CFAP299: variants seen among roughly 807,000 people sequenced by gnomAD.
CFAP299 encodes the protein cilia- and flagella-associated protein 299.
In CFAP299, 21 loss-of-function variants were observed where a neutral mutation model predicts 27.0. The observed-to-expected ratio is 0.78, with a 90% confidence interval of 0.55 to 1.12. CFAP299 has a LOEUF of 1.12. CFAP299 is among the 50% of genes most tolerant of loss of function. CFAP299 has a pLI of 0.00. For synonymous variants in CFAP299, 104 were observed against 98.1 expected (o/e 1.06, Z -0.36); for missense variants, 310 against 276.6 (o/e 1.12, Z -0.86).
At chr4:80,920,033 T>G (rs1023921755) in intron 4 of CFAP299, among the ~76,000 whole-genome samples, 1 of 152,166 alleles carries the variant, frequency 6.6e-6, no homozygotes, top group East Asian at 1.9e-4. Context: ...CTATGCAAAG[T>G]ACTACTCCTG....
At chr4:80,797,782 T>C (rs543008703) in intron 3 of CFAP299, among the ~76,000 whole-genome samples, 1 of 152,080 alleles carries the variant, frequency 6.6e-6, no homozygotes, top group Non-Finnish European at 1.5e-5. Flanking sequence ...TGAGCAGGTG[T>C]AAAGTGACTA....
intron 5 of CFAP299, among the ~76,000 whole-genome samples, chr4:80,956,754 T>C (rs770875811): frequency 9.9e-5 from 15 of 152,114 alleles, no homozygotes; most frequent in Non-Finnish European, 1.8e-4. Context: ...AATCTCCTTT[T>C]CTCTACAATT....
chr4:80,326,534 G>T, the CFAP299 span, among the ~76,000 whole-genome samples: 207 of 152,318 alleles, frequency 1.4e-3, 1 homozygote, highest in South Asian at 3.7e-3. Flanking sequence ...GTTGGGAGCA[G>T]AAATGATGAT....
intron 3 of CFAP299, among the ~76,000 whole-genome samples, chr4:80,590,489 A>G (rs1736675590): frequency 6.6e-6 from 1 of 152,102 alleles, no homozygotes; most frequent in East Asian, 1.9e-4. Flanking sequence ...ATACAAAAAA[A>G]TAGCCGGGTG....
intron 2 of CFAP299, among the ~76,000 whole-genome samples, chr4:80,549,863 G>A (rs916097878): frequency 6.6e-6 from 1 of 151,760 alleles, no homozygotes; most frequent in African/African-American, 2.4e-5. Flanking sequence ...ATTAAACACA[G>A]TTTATTTATA....
intron 2 of CFAP299, among the ~76,000 whole-genome samples, chr4:80,395,822 C>T (rs928104775): frequency 6.6e-6 from 1 of 152,108 alleles, no homozygotes; most frequent in South Asian, 2.1e-4. Flanking sequence ...CAATCATTTA[C>T]AACTATAGTA....
intron 3 of CFAP299, among the ~76,000 whole-genome samples, chr4:80,712,502 G>C (rs187940355): frequency 6.6e-6 from 1 of 152,116 alleles, no homozygotes; most frequent in Non-Finnish European, 1.5e-5. Context: ...TGTAGTGCTG[G>C]CTGAATGAAA....
intron 5 of CFAP299, among the ~76,000 whole-genome samples, chr4:80,951,961 AT>A (rs1206513336): frequency 6.6e-6 from 1 of 151,978 alleles, no homozygotes; most frequent in African/African-American, 2.4e-5. Context: ...CATCACTGCT[AT>A]TTTTTCTTCT....
intron 3 of CFAP299, among the ~76,000 whole-genome samples, chr4:80,715,043 C>T (rs1466402966): frequency 6.6e-6 from 1 of 152,012 alleles, no homozygotes; most frequent in Non-Finnish European, 1.5e-5. Flanking sequence ...TTAGGAGTAC[C>T]GATAGTCTTA....
At chr4:80,359,210 C>T (rs1723423125) in intron 1 of CFAP299, among the ~76,000 whole-genome samples, 1 of 152,098 alleles carries the variant, frequency 6.6e-6, no homozygotes, top group African/African-American at 2.4e-5. Flanking sequence ...ATAGATTTAC[C>T]TTTATAGGTG....
Position 80,710,551 on chromosome 4 carries a change from G to A in CFAP299, c.333+127368G>A, listed in dbSNP as rs1465183476. Among the ~76,000 whole-genome samples the A allele has an allele frequency of 4.9e-5, 7 of 143,398 alleles. No homozygotes were observed. In the East Asian group the frequency reaches 1.2e-3, roughly 25 times the overall value. The allele number at this position is 143,398 out of a possible 152,430, so 94.1% of individuals were successfully genotyped here. A position where few individuals can be genotyped will look rare whatever the true frequency, so the allele number is the denominator to read the frequency against. On this transcript the variant is annotated intron_variant, in intron 3 of 5. Coordinates refer to ENST00000358105, the MANE Select transcript of CFAP299 (RefSeq NM_152770.3). ...TCAAGCATTACAGATTGATGGCCTG[G>A]GACAAATTCACATACGAGAAATAAG...
chr4:80,451,949 A>G (rs1728924815), intron 2 of CFAP299, among the ~76,000 whole-genome samples: 1 of 152,212 alleles, frequency 6.6e-6, no homozygotes. Flanking sequence ...GTATGTGCTA[A>G]GATTGTTACC....
intron 3 of CFAP299, among the ~76,000 whole-genome samples, chr4:80,740,029 AT>A (rs930564375): frequency 3.3e-5 from 5 of 151,990 alleles, no homozygotes; most frequent in African/African-American, 9.7e-5. Context: ...TCTTTGTTAC[AT>A]TTATCTAATA....
chr4:80,545,788 A>G (rs540358423), intron 2 of CFAP299, among the ~76,000 whole-genome samples: 8 of 152,258 alleles, frequency 5.3e-5, no homozygotes, highest in African/African-American at 1.2e-4. Flanking sequence ...CAGAGACACA[A>G]TGAAAAAGAG....
At chr4:80,895,777 G>A (rs1734582350) in intron 4 of CFAP299, among the ~76,000 whole-genome samples, 1 of 151,942 alleles carries the variant, frequency 6.6e-6, no homozygotes, top group Non-Finnish European at 1.5e-5. Flanking sequence ...GCAGAACTGT[G>A]GAAGGCAGTG....
intron 3 of CFAP299, among the ~76,000 whole-genome samples, chr4:80,595,542 G>T (rs976732393): frequency 6.6e-6 from 1 of 152,070 alleles, no homozygotes; most frequent in Admixed American, 6.6e-5. Context: ...TCTTTGATAG[G>T]CCAGTTCTAC....
At chr4:80,451,857 T>C (rs953010588) in intron 2 of CFAP299, among the ~76,000 whole-genome samples, 5 of 152,208 alleles carry the variant, frequency 3.3e-5, no homozygotes, top group Non-Finnish European at 7.3e-5. Flanking sequence ...TTAGATTCCA[T>C]TAAATCTAAA....
intron 1 of CFAP299, among the ~76,000 whole-genome samples, chr4:80,348,773 A>T (rs1722877427): frequency 6.6e-6 from 1 of 152,248 alleles, no homozygotes; most frequent in African/African-American, 2.4e-5. Context: ...TCCCATATAT[A>T]TGAAATACCG....
chr4:80,708,243 G>C (rs1443986074), intron 3 of CFAP299, among the ~76,000 whole-genome samples: 3 of 151,818 alleles, frequency 2.0e-5, no homozygotes, highest in Non-Finnish European at 4.4e-5. Context: ...TCTTCCTTTT[G>C]GGATGGCTAG....
Sources: allele counts gnomAD v4.1 joint callset (sites outside exome capture counted in the v4.1 genomes callset), GRCh38; gene constraint gnomAD v4.1.1; transcripts MANE v1.5; gene names NCBI Gene and HGNC (gene_info 2026-07-23, HGNC 2026-07-21).